The following ELF5 variants were observed in gnomAD, a reference collection of about 807,000 sequenced individuals.
ELF5 encodes E74 like ETS transcription factor 5.
Under a neutral mutation model 38.2 loss-of-function variants are expected in ELF5, and 31 were observed. The observed-to-expected ratio is 0.81, with a 90% CI of 0.61 to 1.10. The LOEUF is 1.10. Among genes scored for constraint, ELF5 ranks in the 50% least tolerant of loss-of-function variants. The pLI is 0.00. For missense variants in ELF5, 300 were observed against 306.6 expected, an observed-to-expected ratio of 0.98 and a Z score of 0.16; for synonymous variants, 121 against 112.5, an observed-to-expected ratio of 1.08 and a Z score of -0.48.
intron 6 of ELF5, 46 bp from the exon 7 acceptor site, chr11:34,480,360 A>AG (rs1364935990): frequency 6.2e-6 from 9 of 1,457,046 alleles, no homozygotes; most frequent in Non-Finnish European, 9.6e-7. Flanking sequence ...CTTGCACCCT[A>AG]GGAAAACAAC....
chr11:34,512,649 T>C (rs995055186), intron 1 of ELF5, among the ~76,000 whole-genome samples: 1 of 151,582 alleles, frequency 6.6e-6, no homozygotes, highest in African/African-American at 2.4e-5. Context: ...ATATATTCAA[T>C]CCTGTTTTAG....
At chr11:34,509,936 T>C (rs894604037) in intron 1 of ELF5, among the ~76,000 whole-genome samples, 2 of 152,054 alleles carry the variant, frequency 1.3e-5, no homozygotes, top group Non-Finnish European at 2.9e-5. Flanking sequence ...AACACGACAG[T>C]GGGAATGAGA....
chr11:34,501,455 CAGAA>C (rs1221058070), intron 2 of ELF5, among the ~76,000 whole-genome samples: 1 of 152,074 alleles, frequency 6.6e-6, no homozygotes, highest in Non-Finnish European at 1.5e-5. Flanking sequence ...GAAAGAATTC[CAGAA>C]AGAAAGTAGT....
At chr11:34,485,362 C>T (rs902076573) in intron 4 of ELF5, among the ~76,000 whole-genome samples, 1 of 152,144 alleles carries the variant, frequency 6.6e-6, no homozygotes, top group African/African-American at 2.4e-5. Flanking sequence ...TCAACCTTCC[C>T]CACCCTTATG....
chr11:34,494,836 C>T (rs530424936), intron 2 of ELF5, among the ~76,000 whole-genome samples: 23 of 152,292 alleles, frequency 1.5e-4, no homozygotes, highest in Admixed American at 1.1e-3. Flanking sequence ...GGAATAATTA[C>T]AGCACCTGTA....
intron 5 of ELF5, among the ~76,000 whole-genome samples, chr11:34,482,105 A>C (rs1034392505): frequency 1.3e-5 from 2 of 152,226 alleles, no homozygotes; most frequent in Non-Finnish European, 2.9e-5. Flanking sequence ...ACTTGAACCC[A>C]GGGGGTTTTC....
intron 1 of ELF5, among the ~76,000 whole-genome samples, chr11:34,509,961 G>A (rs1850712629): frequency 6.6e-6 from 1 of 152,068 alleles, no homozygotes; most frequent in Non-Finnish European, 1.5e-5. Context: ...CCTCATCTAT[G>A]CCTCACTAAT....
At chr11:34,480,660 T>C (rs1004798815) in intron 6 of ELF5, 112 bp downstream of exon 6, 9 of 1,234,122 alleles carry the variant, frequency 7.3e-6, no homozygotes, top group Non-Finnish European at 9.1e-6. Flanking sequence ...TTTTGTCTCA[T>C]GACCTTTCCA....
At chr11:34,501,590 C>A (rs1214680160) in intron 2 of ELF5, among the ~76,000 whole-genome samples, 1 of 152,104 alleles carries the variant, frequency 6.6e-6, no homozygotes, top group African/African-American at 2.4e-5. Context: ...CCAACCAACT[C>A]TCCCGCCCAC....
chr11:34,482,332 C>T, intron 5 of ELF5, 99 bp downstream of exon 5: 3 of 1,131,766 alleles, frequency 2.7e-6, no homozygotes, highest in Non-Finnish European at 3.9e-6. Flanking sequence ...AGTAACTGGT[C>T]CAACTCAAAC....
intron 2 of ELF5, among the ~76,000 whole-genome samples, chr11:34,501,817 T>C (rs1019779803): frequency 2.6e-5 from 4 of 152,130 alleles, no homozygotes; most frequent in Non-Finnish European, 2.9e-5. Flanking sequence ...CTCAAGCCAT[T>C]TGAAGGGTTT....
chr11:34,497,794 G>A (rs564694075), intron 2 of ELF5, among the ~76,000 whole-genome samples: 4 of 152,280 alleles, frequency 2.6e-5, no homozygotes, highest in African/African-American at 7.2e-5. Flanking sequence ...AAAACACCAC[G>A]GGAAGCCCAG....
chr11:34,484,471 ACAC>A lies in ELF5; in HGVS notation c.407-1975_407-1973del, dbSNP rs1857026361. Among the ~76,000 whole-genome samples, 25 of 60,760 alleles carry A rather than the reference ACAC, an allele frequency of 4.1e-4. 2 individuals carry two copies. The South Asian group carries it at 9.2e-3, about 22-fold the overall frequency. 39.9% of individuals were successfully genotyped at this position (60,760 alleles called of 152,430 possible). Reference sequence around the variant, plus strand: ...TATACTAACTATACTGTACTGTGCTACACTATACTAACTATACTATACTATACT... The same window carrying A: ...TATACTAACTATACTGTACTGTGCTATATACTAACTATACTATACTATACT... On this transcript the variant is annotated intron_variant, in intron 4 of 6. Transcript: ENST00000257832.
intron 4 of ELF5, among the ~76,000 whole-genome samples, chr11:34,488,637 C>T (rs533878615): frequency 6.6e-6 from 1 of 152,344 alleles, no homozygotes; most frequent in South Asian, 2.1e-4. Context: ...ATTCAGGTTA[C>T]ACCTACTTCA....
intron 2 of ELF5, among the ~76,000 whole-genome samples, chr11:34,503,007 T>C (rs1480116213): frequency 6.6e-6 from 1 of 152,238 alleles, no homozygotes; most frequent in Non-Finnish European, 1.5e-5. Flanking sequence ...GTTAACCTCA[T>C]TCTTTAAAAT....
intron 2 of ELF5, among the ~76,000 whole-genome samples, chr11:34,503,340 C>T (rs545600313): frequency 3.3e-5 from 5 of 149,630 alleles, no homozygotes; most frequent in South Asian, 2.1e-4. Flanking sequence ...TGTATTTTTT[C>T]GTAGAGACGG....
chr11:34,482,311 C>T (rs1335403188), intron 5 of ELF5, 120 bp downstream of exon 5: 7 of 886,118 alleles, frequency 7.9e-6, no homozygotes, highest in African/African-American at 3.4e-5. Flanking sequence ...TCTTTACTAC[C>T]TTCCTTGGGG....
At chr11:34,496,626 C>T (rs1361117669) in intron 2 of ELF5, among the ~76,000 whole-genome samples, 6 of 152,202 alleles carry the variant, frequency 3.9e-5, no homozygotes, top group African/African-American at 1.4e-4. Context: ...TCTCTTCCTC[C>T]TCACTGAGTG....
Position 34,479,880 on chromosome 11 carries a change from TC to T in ELF5, c.*337del. ...TTGGGATGGGAGCATTGGATGTGTC[TC>T]TAATGGCAGAATTGAATAGTTTTTC... On this transcript the variant is annotated 3_prime_UTR_variant, in exon 7 of 7. Transcript: ENST00000257832. 4.5e-6 allele frequency: 1 copy of T among 219,834 alleles called. No individual in the cohort carries two copies. The highest frequency in any genetic ancestry group is 9.0e-6 in the Non-Finnish European group (1 of 111,454). The allele number at this position is 219,834 out of a possible 1,614,324, so 13.6% of individuals were successfully genotyped here.
Sources: allele counts gnomAD v4.1 joint callset (sites outside exome capture counted in the v4.1 genomes callset), GRCh38; gene constraint gnomAD v4.1.1; transcripts MANE v1.5; gene names NCBI Gene and HGNC (gene_info 2026-07-23, HGNC 2026-07-21).